PRKCB: variants seen among roughly 807,000 people sequenced by gnomAD.
PRKCB encodes the protein protein kinase C beta.
A neutral mutation model predicts 81.5 loss-of-function variants in PRKCB; 13 were observed. That is an observed-to-expected ratio of 0.16 (90% CI 0.10 to 0.25). The LOEUF (loss-of-function observed/expected upper bound fraction) is 0.25, where lower values mean the gene tolerates loss of function less well. PRKCB is among the 10% of genes least tolerant of loss of function. The pLI, the probability that PRKCB is intolerant of heterozygous loss-of-function variation, is 1.00. For synonymous variants in PRKCB, 335 were observed against 321.4 expected, an observed-to-expected ratio of 1.04 and a Z score of -0.45; for missense variants, 509 against 875.7, an observed-to-expected ratio of 0.58 and a Z score of 5.29.
intron 3 of PRKCB, among the ~76,000 whole-genome samples, chr16:24,014,511 A>C (rs1215401006): frequency 1.3e-5 from 2 of 152,196 alleles, no homozygotes; most frequent in Admixed American, 1.3e-4. Flanking sequence ...AGAAGGAGGA[A>C]CTGAGACCAG....
intron 2 of PRKCB, among the ~76,000 whole-genome samples, chr16:23,983,113 T>TAA (rs150759074): frequency 1.5e-4 from 21 of 139,738 alleles, no homozygotes; most frequent in Admixed American, 7.1e-4. Flanking sequence ...TGCCTCTTCT[T>TAA]AAAAAAAAAA....
At chr16:24,207,358 T>C (rs942910221) in intron 16 of PRKCB, among the ~76,000 whole-genome samples, 1 of 152,168 alleles carries the variant, frequency 6.6e-6, no homozygotes, top group Non-Finnish European at 1.5e-5. Flanking sequence ...ATAATAACAA[T>C]ACCTGATTGT....
At chr16:24,043,546 C>G (rs970728026) in intron 5 of PRKCB, among the ~76,000 whole-genome samples, 1 of 152,166 alleles carries the variant, frequency 6.6e-6, no homozygotes. Context: ...GGAAGGGTCT[C>G]TTGCCCATCC....
At chr16:24,176,132 G>C (rs552713637) in intron 12 of PRKCB, among the ~76,000 whole-genome samples, 2 of 152,244 alleles carry the variant, frequency 1.3e-5, no homozygotes, top group South Asian at 2.1e-4. Flanking sequence ...CACACCTGAA[G>C]TGGTGATATG....
At chr16:24,035,635 C>G in intron 5 of PRKCB, 88 bp downstream of exon 5, 2 of 747,992 alleles carry the variant, frequency 2.7e-6, no homozygotes, top group Middle Eastern at 3.8e-4. Context: ...TGGGGCAGTC[C>G]AGTGGAGGGG....
intron 2 of PRKCB, among the ~76,000 whole-genome samples, chr16:23,964,879 A>C (rs1964467887): frequency 6.6e-6 from 1 of 152,166 alleles, no homozygotes; most frequent in African/African-American, 2.4e-5. Context: ...CATGTTGGCC[A>C]GGCTGGTCTT....
chr16:24,063,896 ATGT>A, intron 5 of PRKCB, among the ~76,000 whole-genome samples: 1 of 152,338 alleles, frequency 6.6e-6, no homozygotes, highest in Non-Finnish European at 1.5e-5. Context: ...AAGGCTGAAC[ATGT>A]TGTAGTCTGT....
At chr16:24,073,923 A>G (rs556339773) in intron 5 of PRKCB, among the ~76,000 whole-genome samples, 8 of 152,232 alleles carry the variant, frequency 5.3e-5, no homozygotes, top group African/African-American at 1.9e-4. Flanking sequence ...CAGGCGGATC[A>G]CGAGGTCAGG....
At chr16:24,213,006 A>ATATTTATTTATTTATTTATTTATT (rs113357248) in intron 16 of PRKCB, among the ~76,000 whole-genome samples, 1 of 143,742 alleles carries the variant, frequency 7.0e-6, no homozygotes, top group Non-Finnish European at 1.5e-5. Flanking sequence ...CCGTACTTGT[A>ATATTTATTTATTTATTTATTTATT]TATTTATTTA....
intron 2 of PRKCB, among the ~76,000 whole-genome samples, chr16:23,935,152 C>A (rs1343618020): frequency 6.6e-6 from 1 of 152,128 alleles, no homozygotes; most frequent in Non-Finnish European, 1.5e-5. Context: ...CCAGTGGCTG[C>A]AGCTTGGAGT....
chr16:24,085,628 A>C (rs1189182851), intron 5 of PRKCB, among the ~76,000 whole-genome samples: 1 of 152,156 alleles, frequency 6.6e-6, no homozygotes, highest in Non-Finnish European at 1.5e-5. Flanking sequence ...ATTATCCAAG[A>C]GCCCATTTGA....
At chr16:23,906,014 G>A (rs6497699) in intron 2 of PRKCB, among the ~76,000 whole-genome samples, 146,905 of 152,296 alleles carry the variant, frequency 0.96, 70,895 homozygotes, top group East Asian at 1. Context: ...CAATAAGGTA[G>A]TGAGCATTCC....
At chr16:24,120,099 G>A (rs181575437) in intron 8 of PRKCB, among the ~76,000 whole-genome samples, 244 of 152,282 alleles carry the variant, frequency 1.6e-3, no homozygotes, top group Non-Finnish European at 1.4e-3. Flanking sequence ...CCAGGCACAA[G>A]AGTACACACT....
chr16:24,034,573 G>A (rs1005875823), intron 4 of PRKCB, among the ~76,000 whole-genome samples: 9 of 152,254 alleles, frequency 5.9e-5, no homozygotes, highest in African/African-American at 1.9e-4. Flanking sequence ...CAAATTCAGT[G>A]TATAGGCACA....
Position 24,024,329 on chromosome 16 carries a change from G to A in PRKCB, c.289-7807G>A, listed in dbSNP as rs922612102. 1.2e-4 allele frequency among the ~76,000 whole-genome samples: 19 copies of A among 152,234 alleles called. 1 individual carries two copies. The highest frequency in any genetic ancestry group is 4.8e-5 in the African/African-American group (2 of 41,458). ...AGCTGGGGGACAGCAGGAGGCAGGAGTAGGGAAGAAATGGAGAGTTGCTGA... is the reference window on the plus strand; with the variant it reads ...AGCTGGGGGACAGCAGGAGGCAGGAATAGGGAAGAAATGGAGAGTTGCTGA... On this transcript the variant is annotated intron_variant, in intron 3 of 16. Coordinates refer to ENST00000643927, the MANE Select transcript of PRKCB (RefSeq NM_002738.7).
chr16:24,107,713 G>C (rs1483322194), intron 7 of PRKCB, among the ~76,000 whole-genome samples: 1 of 152,210 alleles, frequency 6.6e-6, no homozygotes, highest in Non-Finnish European at 1.5e-5. Flanking sequence ...CCATGCCCCT[G>C]CCCGCTGCGC....
At chr16:23,933,605 C>A (rs1964008502) in intron 2 of PRKCB, among the ~76,000 whole-genome samples, 1 of 151,768 alleles carries the variant, frequency 6.6e-6, no homozygotes, top group Non-Finnish European at 1.5e-5. Context: ...GTTTGCAGAG[C>A]CTTTTGAGAG....
chr16:24,060,671 TCA>T (rs1965960778), intron 5 of PRKCB, among the ~76,000 whole-genome samples: 1 of 152,184 alleles, frequency 6.6e-6, no homozygotes, highest in South Asian at 2.1e-4. Context: ...CAGGGGCAGC[TCA>T]CAGTCTATGA....
intron 2 of PRKCB, among the ~76,000 whole-genome samples, chr16:23,873,716 A>C (rs950496807): frequency 3.9e-5 from 6 of 152,152 alleles, no homozygotes; most frequent in Non-Finnish European, 8.8e-5. Context: ...GCTGGGCTCC[A>C]CCCTTGCAGG....
Sources: gnomAD v4.1 joint callset for allele counts (sites outside exome capture counted in the v4.1 genomes callset) on GRCh38, gnomAD v4.1.1 for gene constraint, MANE v1.5 for transcripts, NCBI Gene and HGNC (gene_info 2026-07-23, HGNC 2026-07-21) for gene names.